Variants in NFX1 observed in about 807,000 individuals in gnomAD.
The protein encoded by NFX1 is transcriptional repressor NF-X1.
In NFX1, 69 loss-of-function variants were observed where a neutral mutation model predicts 137.2. The ratio of observed to expected loss-of-function variants is 0.50; its 90% confidence interval spans 0.41 to 0.61. The LOEUF is 0.61. NFX1 is among the 20% of genes least tolerant of loss of function. NFX1 has a pLI of 0.00. For synonymous variants in NFX1, 495 were observed against 474.1 expected, an observed-to-expected ratio of 1.04 and a Z score of -0.57; for missense variants, 1,167 against 1,391.0, an observed-to-expected ratio of 0.84 and a Z score of 2.56.
chr9:33,316,872 T>C (rs1301813749), intron 7 of NFX1, among the ~76,000 whole-genome samples: 1 of 152,130 alleles, frequency 6.6e-6, no homozygotes, highest in Non-Finnish European at 1.5e-5. Flanking sequence ...AGGAACTCAA[T>C]TTTTTTATTG....
chr9:33,342,018 A>G (rs1223677087), intron 12 of NFX1, among the ~76,000 whole-genome samples: 1 of 151,932 alleles, frequency 6.6e-6, no homozygotes, highest in Non-Finnish European at 1.5e-5. Context: ...CAGGAGGCTG[A>G]GGTAGGAGAA....
In NFX1 at chr9:33,294,589, C is replaced by A. The variant is rs1451326590; in HGVS notation, c.195C>A (p.Ile65=). The change falls in exon 2 of 24, where the codon ATC becomes ATA. Residue 65 remains isoleucine (I), a synonymous_variant. Coordinates refer to ENST00000379540, the MANE Select transcript of NFX1 (RefSeq NM_002504.6). ...CCAGGCAGGTCCCTTATGATGAAATCTCTGCTGTTCATCAGCATAGTTATC... is the reference window on the plus strand; with the variant it reads ...CCAGGCAGGTCCCTTATGATGAAATATCTGCTGTTCATCAGCATAGTTATC... ...HLSRQVPYDE[I]SAVHQHSYHP... The A allele has an allele frequency of 1.2e-6, 2 of 1,614,180 alleles. No homozygotes were observed. The highest frequency in any genetic ancestry group is 1.7e-6 in the Non-Finnish European group (2 of 1,180,028).
rs1564102962 is a variant in NFX1, at chr9:33,301,284, C to T, written c.1055C>T (p.Thr352Ile). 3 of 1,613,752 alleles carry T rather than the reference C, an allele frequency of 1.9e-6. No individual in the cohort carries two copies. The highest frequency in any genetic ancestry group is 1.1e-5 in the South Asian group (1 of 90,946). The change falls in exon 3 of 24, where the codon ACA becomes ATA. Residue 352 changes from threonine to isoleucine, a missense_variant. By Grantham distance (89) the Thr-to-Ile change is moderately conservative. This residue lies in a region of NFX1 where 488 missense variants were observed against 691.5 expected (regional missense o/e 0.71). Coordinates refer to ENST00000379540, the MANE Select transcript of NFX1 (RefSeq NM_002504.6). ...THTGSLIEQL[T>I]TEKYECMVCC... ...ACAGGTTCTCTAATTGAACAACTAA[C>T]AACAGAAAAATACGAGTGCATGGTG... is the stretch of plus-strand genomic sequence containing the variant.
intron 4 of NFX1, among the ~76,000 whole-genome samples, chr9:33,306,759 G>A (rs959501584): frequency 1.3e-5 from 2 of 152,024 alleles, no homozygotes; most frequent in African/African-American, 2.4e-5. Context: ...CCTGCTACTC[G>A]GGATTTATGT....
At chr9:33,341,983 G>C (rs1183954413) in intron 12 of NFX1, among the ~76,000 whole-genome samples, 1 of 151,912 alleles carries the variant, frequency 6.6e-6, no homozygotes, top group East Asian at 1.9e-4. Flanking sequence ...GGACATTGTT[G>C]TGGGCACCTG....
chr9:33,337,550 A>G (rs1385482484), intron 11 of NFX1, among the ~76,000 whole-genome samples: 1 of 152,084 alleles, frequency 6.6e-6, no homozygotes, highest in Non-Finnish European at 1.5e-5. Context: ...TTGAGTTTTA[A>G]AGGTGAAAAT....
intron 19 of NFX1, among the ~76,000 whole-genome samples, chr9:33,359,848 C>G (rs1368167266): frequency 6.6e-6 from 1 of 152,176 alleles, no homozygotes; most frequent in Non-Finnish European, 1.5e-5. Context: ...GTAATATTCT[C>G]ATAACTTGTC....
chr9:33,366,702 C>T lies in NFX1; in HGVS notation c.3113C>T (p.Ala1038Val), dbSNP rs569829262. 4 of 1,614,108 alleles carry T rather than the reference C, an allele frequency of 2.5e-6. No homozygotes were observed. The highest frequency in any genetic ancestry group is 2.5e-6 in the Non-Finnish European group (3 of 1,180,058). ...CACCGCCGGATCATCCATGACTTGG[C>T]CCAAGTTTATGGCCTGGAGAGCGTG... ...RDHRRIIHDL[A>V]QVYGLESVSY... is the part of the protein sequence containing the mutation. The change falls in exon 22 of 24, where the codon GCC becomes GTC. Residue 1038 changes from alanine (A) to valine (V), a missense_variant. Transcript: ENST00000379540.
intron 19 of NFX1, among the ~76,000 whole-genome samples, chr9:33,362,121 CAAAA>C (rs1365074653): frequency 1.5e-5 from 1 of 65,720 alleles, no homozygotes; most frequent in Non-Finnish European, 3.2e-5. Context: ...GACCCAGCCT[CAAAA>C]AAAAAAAAAA....
At chr9:33,301,618 TA>T (rs1348364055) in intron 3 of NFX1, among the ~76,000 whole-genome samples, 197 bp downstream of exon 3, 1 of 152,166 alleles carries the variant, frequency 6.6e-6, no homozygotes, top group Non-Finnish European at 1.5e-5. Context: ...ACAACAATAT[TA>T]AAATATATTT....
At chr9:33,291,841 T>C (rs1167876858) in intron 1 of NFX1, among the ~76,000 whole-genome samples, 2 of 152,136 alleles carry the variant, frequency 1.3e-5, no homozygotes, top group Non-Finnish European at 2.9e-5. Flanking sequence ...AGGCGGAAGT[T>C]GCAGTGAGCC....
chr9:33,309,575 G>A (rs1378814226), intron 5 of NFX1, among the ~76,000 whole-genome samples: 1 of 152,170 alleles, frequency 6.6e-6, no homozygotes, highest in East Asian at 1.9e-4. Flanking sequence ...CCATTCCCCA[G>A]TAGCACTTTT....
At chr9:33,316,747 G>T (rs1041877667) in intron 7 of NFX1, among the ~76,000 whole-genome samples, 1 of 152,052 alleles carries the variant, frequency 6.6e-6, no homozygotes, top group African/African-American at 2.4e-5. Context: ...GGGTCCTTTG[G>T]TTCCTTAATA....
At chr9:33,303,347 A>G (rs1821641855) in intron 4 of NFX1, 79 bp downstream of exon 4, 2 of 1,232,896 alleles carry the variant, frequency 1.6e-6, no homozygotes, top group Non-Finnish European at 1.2e-6. Flanking sequence ...TCTGCGGGGC[A>G]TGTTTTAGAA....
At position 33,302,088 on chromosome 9, in the gene NFX1, AT is replaced by A. The variant is rs559417937; in HGVS notation, c.1192+676del. 5.0e-4 allele frequency among the ~76,000 whole-genome samples: 75 copies of A among 150,452 alleles called. 1 individual carries two copies. Among genetic ancestry groups the A allele is most frequent in the Admixed American group, 2.0e-4 (3 of 15,058 alleles). ...CCCTGTCTCAAACAAACAAAAAAACATTTTTTTTTCATTTTTAAATTTTTAC... is the reference window on the plus strand; with the variant it reads ...CCCTGTCTCAAACAAACAAAAAAACATTTTTTTTCATTTTTAAATTTTTAC... On this transcript the variant is annotated intron_variant, in intron 3 of 23. Transcript: ENST00000379540.
intron 15 of NFX1, among the ~76,000 whole-genome samples, chr9:33,349,676 A>G (rs78281734): frequency 2.0e-5 from 3 of 147,078 alleles, no homozygotes; most frequent in Non-Finnish European, 4.5e-5. Context: ...ATTTTTCAAG[A>G]AAAAAAAAAA....
intron 11 of NFX1, among the ~76,000 whole-genome samples, chr9:33,336,246 C>G (rs576063727): frequency 4.6e-5 from 7 of 152,044 alleles, no homozygotes; most frequent in Middle Eastern, 3.2e-3. Flanking sequence ...GATGGAGTCC[C>G]ACTCTGTTGC....
chr9:33,347,189 T>C (rs1202415205), intron 15 of NFX1, 72 bp downstream of exon 15: 3 of 1,174,714 alleles, frequency 2.6e-6, no homozygotes, highest in Non-Finnish European at 3.7e-6. Flanking sequence ...GAATTGTTAG[T>C]CTCATCGTCT....
intron 2 of NFX1, among the ~76,000 whole-genome samples, chr9:33,298,749 A>C (rs1294715847): frequency 6.6e-6 from 1 of 152,126 alleles, no homozygotes; most frequent in African/African-American, 2.4e-5. Context: ...GTGCCACTGC[A>C]CTCTAGCCTG....
Sources: allele counts gnomAD v4.1 joint callset (sites outside exome capture counted in the v4.1 genomes callset), GRCh38; gene constraint gnomAD v4.1.1; regional missense constraint gnomAD v4.1.1; transcripts MANE v1.5; gene names NCBI Gene and HGNC (gene_info 2026-07-23, HGNC 2026-07-21).